Variants in PTPRM observed in about 807,000 individuals in gnomAD.
PTPRM encodes protein tyrosine phosphatase receptor type M, also known as receptor-type tyrosine-protein phosphatase mu.
Under a neutral mutation model 186.7 loss-of-function variants are expected in PTPRM, and 47 were observed. That is an observed-to-expected ratio of 0.25 (90% CI 0.20 to 0.32). The LOEUF is 0.32. PTPRM is among the 10% of genes least tolerant of loss of function. The pLI is 1.00. For synonymous variants in PTPRM, 668 were observed against 674.9 expected, an observed-to-expected ratio of 0.99 and a Z score of 0.16; for missense variants, 1,494 against 1,865.0, an observed-to-expected ratio of 0.80 and a Z score of 3.66.
intron 1 of PTPRM, among the ~76,000 whole-genome samples, chr18:7,662,441 T>G (rs2039001542): frequency 6.6e-6 from 1 of 152,150 alleles, no homozygotes. Flanking sequence ...GTCATTATGG[T>G]AAGTGAAATA....
At chr18:7,739,680 A>G (rs528436169) in intron 1 of PTPRM, among the ~76,000 whole-genome samples, 1 of 152,248 alleles carries the variant, frequency 6.6e-6, no homozygotes, top group East Asian at 1.9e-4. Flanking sequence ...TTGTATTGCC[A>G]TGTTCTGCTC....
At chr18:8,262,415 A>G (rs2094643025) in intron 19 of PTPRM, among the ~76,000 whole-genome samples, 1 of 152,102 alleles carries the variant, frequency 6.6e-6, no homozygotes, top group African/African-American at 2.4e-5. Flanking sequence ...TCAAGACCTC[A>G]CTCTGTGTTT....
At chr18:8,338,482 G>A (rs1347786418) in intron 22 of PTPRM, among the ~76,000 whole-genome samples, 1 of 152,010 alleles carries the variant, frequency 6.6e-6, no homozygotes, top group Non-Finnish European at 1.5e-5. Context: ...CTGTCTGGTA[G>A]AGCCCTTCTG....
chr18:7,841,458 G>GT (rs997110858), intron 2 of PTPRM, among the ~76,000 whole-genome samples: 74 of 151,622 alleles, frequency 4.9e-4, no homozygotes, highest in African/African-American at 1.8e-3. Context: ...CGCCAGGCTA[G>GT]TTTTTTTGTA....
intron 1 of PTPRM, among the ~76,000 whole-genome samples, chr18:7,627,080 C>T (rs1039185975): frequency 4.6e-5 from 7 of 152,168 alleles, no homozygotes; most frequent in Middle Eastern, 3.4e-3. Context: ...TTCCTCTTCT[C>T]GAGGTTCTGG....
chr18:8,008,889 C>T (rs954105179), intron 7 of PTPRM, among the ~76,000 whole-genome samples: 1 of 152,112 alleles, frequency 6.6e-6, no homozygotes, highest in Non-Finnish European at 1.5e-5. Context: ...AGTTCAGAGT[C>T]TAGAAAGAGA....
At chr18:8,091,417 T>G in intron 11 of PTPRM, among the ~76,000 whole-genome samples, 1 of 152,174 alleles carries the variant, frequency 6.6e-6, no homozygotes, top group South Asian at 2.1e-4. Context: ...ATTATTCACA[T>G]CTGTAATTTT....
chr18:8,273,538 G>C (rs2094797510), intron 19 of PTPRM, among the ~76,000 whole-genome samples: 1 of 152,126 alleles, frequency 6.6e-6, no homozygotes, highest in Non-Finnish European at 1.5e-5. Context: ...CTTCAGCCAG[G>C]TCCATGCATC....
intron 3 of PTPRM, among the ~76,000 whole-genome samples, chr18:7,895,030 A>G (rs2049279739): frequency 6.6e-6 from 1 of 152,228 alleles, no homozygotes; most frequent in African/African-American, 2.4e-5. Flanking sequence ...AAGGAATTTC[A>G]TATTATAAAT....
intron 2 of PTPRM, among the ~76,000 whole-genome samples, chr18:7,835,689 T>C (rs932682122): frequency 6.6e-6 from 1 of 152,092 alleles, no homozygotes; most frequent in Non-Finnish European, 1.5e-5. Flanking sequence ...GCTATTCTTG[T>C]ATTGGGGTCT....
intron 4 of PTPRM, among the ~76,000 whole-genome samples, chr18:7,914,619 T>G (rs960128498): frequency 1.3e-5 from 2 of 152,034 alleles, no homozygotes; most frequent in Non-Finnish European, 2.9e-5. Flanking sequence ...TGTTAACTAT[T>G]ATTATTATTA....
intron 13 of PTPRM, among the ~76,000 whole-genome samples, chr18:8,130,888 A>G (rs2145934445): frequency 6.6e-6 from 1 of 152,310 alleles, no homozygotes; most frequent in Middle Eastern, 3.4e-3. Flanking sequence ...CATATCTGTA[A>G]AACAGGGAGA....
chr18:7,950,731 C>T (rs1412164667), intron 6 of PTPRM, among the ~76,000 whole-genome samples: 1 of 152,156 alleles, frequency 6.6e-6, no homozygotes, highest in Non-Finnish European at 1.5e-5. Context: ...ATAAACTTCT[C>T]TCTGGTCCAG....
Position 8,227,441 on chromosome 18 carries a change from A to G in PTPRM, c.2301-16617A>G, listed in dbSNP as rs574349914. ...GGAATAGAAAGGTTTTTTAAAAAAA[A>G]TTTTCATCCTTTGTGTTTATGAGAT... On this transcript the variant is annotated intron_variant, in intron 14 of 32. Coordinates refer to ENST00000580170, the MANE Select transcript of PTPRM (RefSeq NM_001105244.2). Among the ~76,000 whole-genome samples the G allele has an allele frequency of 1.1e-4, 16 of 152,242 alleles. No homozygotes were observed. The South Asian group carries it at 3.3e-3, about 32-fold the overall frequency.
At chr18:8,170,697 C>A (rs1363146336) in intron 14 of PTPRM, among the ~76,000 whole-genome samples, 6 of 152,106 alleles carry the variant, frequency 3.9e-5, no homozygotes, top group Non-Finnish European at 8.8e-5. Context: ...CCTGAAGAAT[C>A]AGTCTCTGAG....
chr18:7,715,446 C>G (rs1208652307), intron 1 of PTPRM, among the ~76,000 whole-genome samples: 1 of 152,162 alleles, frequency 6.6e-6, no homozygotes. Context: ...AAAACTGGCA[C>G]AGGACAAGAA....
At chr18:8,163,597 A>G (rs577693108) in intron 14 of PTPRM, among the ~76,000 whole-genome samples, 1 of 152,170 alleles carries the variant, frequency 6.6e-6, no homozygotes, top group Non-Finnish European at 1.5e-5. Flanking sequence ...TTTCACTTTT[A>G]TGATCAACAC....
chr18:8,072,124 C>T (rs765073393), intron 8 of PTPRM, among the ~76,000 whole-genome samples: 7 of 151,940 alleles, frequency 4.6e-5, no homozygotes, highest in Non-Finnish European at 8.8e-5. Context: ...TAGCAATAGG[C>T]GTGATATTGA....
intron 32 of PTPRM, among the ~76,000 whole-genome samples, chr18:8,397,265 A>G (rs2095849794): frequency 6.6e-6 from 1 of 152,234 alleles, no homozygotes. Context: ...GGCAAATGCT[A>G]CCGCTCTACC....
Sources: gnomAD v4.1 joint callset for allele counts (sites outside exome capture counted in the v4.1 genomes callset) on GRCh38, gnomAD v4.1.1 for gene constraint, MANE v1.5 for transcripts, NCBI Gene and HGNC (gene_info 2026-07-23, HGNC 2026-07-21) for gene names.